The following GLIS1 variants were observed in gnomAD, a reference collection of about 807,000 sequenced individuals.
GLIS1 encodes zinc finger protein GLIS1.
In GLIS1, 24 loss-of-function variants were observed where a neutral mutation model predicts 63.8. The ratio of observed to expected loss-of-function variants is 0.38; its 90% CI spans 0.27 to 0.53. GLIS1 has a LOEUF of 0.53. Ranked by LOEUF, GLIS1 falls within the 20% of genes least tolerant of loss-of-function variation. The pLI is 0.85. For synonymous variants in GLIS1, 450 were observed against 482.5 expected, an observed-to-expected ratio of 0.93 and a Z score of 0.88; for missense variants, 1,036 against 1,074.1, an observed-to-expected ratio of 0.96 and a Z score of 0.50.
intron 2 of GLIS1, among the ~76,000 whole-genome samples, chr1:53,651,323 G>A (rs746278899): frequency 5.9e-5 from 9 of 152,188 alleles, no homozygotes; most frequent in Non-Finnish European, 1.3e-4. Context: ...GCAGTTGGCC[G>A]TGAATGCCTT....
rs191040394 is a variant in GLIS1, at chr1:53,585,625, C to A, written c.1320+8483G>T. Reference sequence around the variant, plus strand: ...CAGGGAAGGAGGGCATCCAGCAAAGCTGCAGGCTGAGGCCTCAAGACCAGG... The same window carrying A: ...CAGGGAAGGAGGGCATCCAGCAAAGATGCAGGCTGAGGCCTCAAGACCAGG... On this transcript the variant is annotated intron_variant, in intron 4 of 10. Transcript: ENST00000628545. Among the ~76,000 whole-genome samples the A allele has an allele frequency of 4.6e-5, 7 of 152,254 alleles. No homozygotes were observed. The East Asian group carries it at 1.4e-3, about 29-fold the overall frequency.
At chr1:53,662,014 G>A (rs1646034080) in intron 2 of GLIS1, among the ~76,000 whole-genome samples, 1 of 152,136 alleles carries the variant, frequency 6.6e-6, no homozygotes, top group Non-Finnish European at 1.5e-5. Flanking sequence ...ACACAGGGAG[G>A]GAGTGAGCTT....
intron 2 of GLIS1, among the ~76,000 whole-genome samples, chr1:53,634,219 T>A (rs1271856506): frequency 2.0e-5 from 3 of 152,190 alleles, no homozygotes; most frequent in Non-Finnish European, 4.4e-5. Flanking sequence ...TGCTGAACAG[T>A]GTCTACCAGC....
At chr1:53,657,732 G>C (rs1645982408) in intron 2 of GLIS1, among the ~76,000 whole-genome samples, 1 of 152,140 alleles carries the variant, frequency 6.6e-6, no homozygotes, top group African/African-American at 2.4e-5. Flanking sequence ...TGCCACCAAA[G>C]GGACCCCAGT....
intron 7 of GLIS1, among the ~76,000 whole-genome samples, chr1:53,518,674 G>A (rs1644376233): frequency 6.6e-6 from 1 of 152,202 alleles, no homozygotes; most frequent in Non-Finnish European, 1.5e-5. Context: ...AGCAGGAGTG[G>A]CTCCTCCAAT....
At chr1:53,613,421 T>C (rs1645446579) in intron 2 of GLIS1, among the ~76,000 whole-genome samples, 1 of 152,184 alleles carries the variant, frequency 6.6e-6, no homozygotes, top group African/African-American at 2.4e-5. Context: ...TCAAAGAATA[T>C]GCAAAATTTT....
intron 5 of GLIS1, among the ~76,000 whole-genome samples, chr1:53,525,242 T>C (rs977457193): frequency 1.3e-5 from 2 of 151,392 alleles, no homozygotes; most frequent in Non-Finnish European, 2.9e-5. Context: ...CAAGTAAGCA[T>C]TGAGCAGACA....
intron 4 of GLIS1, among the ~76,000 whole-genome samples, chr1:53,592,720 C>T (rs1019141418): frequency 6.6e-6 from 1 of 152,258 alleles, no homozygotes; most frequent in Admixed American, 6.5e-5. Flanking sequence ...AATGCACTCT[C>T]CCCACCACTG....
chr1:53,558,631 G>C (rs1644856440), intron 4 of GLIS1, among the ~76,000 whole-genome samples: 1 of 152,200 alleles, frequency 6.6e-6, no homozygotes, highest in Non-Finnish European at 1.5e-5. Context: ...GGGCAAGCAG[G>C]GTGTCCCAAG....
At chr1:53,717,808 T>C (rs1186827589) in intron 2 of GLIS1, among the ~76,000 whole-genome samples, 1 of 152,228 alleles carries the variant, frequency 6.6e-6, no homozygotes, top group Non-Finnish European at 1.5e-5. Context: ...CAGACATTTT[T>C]TGCCTATTTG....
intron 4 of GLIS1, among the ~76,000 whole-genome samples, chr1:53,572,790 C>T (rs1215884819): frequency 2.0e-5 from 3 of 152,174 alleles, no homozygotes; most frequent in Non-Finnish European, 4.4e-5. Flanking sequence ...TCTGGCTGAC[C>T]CCATTGCCTG....
At chr1:53,738,638 G>C (rs995231972) in intron 1 of GLIS1, among the ~76,000 whole-genome samples, 5 of 152,142 alleles carry the variant, frequency 3.3e-5, no homozygotes, top group Non-Finnish European at 7.3e-5. Flanking sequence ...ACTCACCCGC[G>C]ACCACCCGAA....
chr1:53,604,923 TGTGTGTGTGTATATATATAC>T (rs58706700), intron 2 of GLIS1, among the ~76,000 whole-genome samples: 120,874 of 145,962 alleles, frequency 0.83, 53,133 homozygotes, highest in Non-Finnish European at 0.98. Context: ...TGTGTGTGTG[TGTGTGTGTGTATATATATAC>T]ATATATATAT....
chr1:53,551,634 C>T (rs1204622805), intron 4 of GLIS1, among the ~76,000 whole-genome samples: 5 of 148,838 alleles, frequency 3.4e-5, no homozygotes. Flanking sequence ...CAGGGCCCCT[C>T]AGAGTGCTCT....
chr1:53,553,052 G>C (rs1216614878), intron 4 of GLIS1, among the ~76,000 whole-genome samples: 1 of 152,212 alleles, frequency 6.6e-6, no homozygotes, highest in Non-Finnish European at 1.5e-5. Flanking sequence ...CTCTGGCTGG[G>C]ATCACCAGCC....
chr1:53,721,591 C>T (rs1055674430), intron 2 of GLIS1, among the ~76,000 whole-genome samples: 2 of 152,098 alleles, frequency 1.3e-5, no homozygotes, highest in Non-Finnish European at 2.9e-5. Context: ...CAGCCCTGGC[C>T]GAAGGCAGCT....
chr1:53,719,905 T>C (rs989265331), intron 2 of GLIS1, among the ~76,000 whole-genome samples: 1 of 152,170 alleles, frequency 6.6e-6, no homozygotes, highest in Non-Finnish European at 1.5e-5. Flanking sequence ...ACCTGGCACA[T>C]TGGCTCATGC....
At chr1:53,668,528 A>C (rs754678245) in intron 2 of GLIS1, among the ~76,000 whole-genome samples, 2 of 151,866 alleles carry the variant, frequency 1.3e-5, no homozygotes, top group African/African-American at 4.8e-5. Flanking sequence ...TGCCCGGCTA[A>C]TTTTTGTATA....
chr1:53,552,321 G>A (rs772696090), intron 4 of GLIS1, among the ~76,000 whole-genome samples: 54 of 150,954 alleles, frequency 3.6e-4, no homozygotes, highest in Middle Eastern at 3.4e-3. Flanking sequence ...AAGGCCCCCC[G>A]CTGCTCCTGT....
Sources: allele counts gnomAD v4.1 joint callset (sites outside exome capture counted in the v4.1 genomes callset), GRCh38; gene constraint gnomAD v4.1.1; transcripts MANE v1.5; gene names NCBI Gene and HGNC (gene_info 2026-07-23, HGNC 2026-07-21).